Variants in PRMT8 observed in about 807,000 individuals in gnomAD.
The protein encoded by PRMT8 is protein arginine methyltransferase 8.
In PRMT8, 7 loss-of-function variants were observed where a neutral mutation model predicts 47.1. The observed-to-expected ratio is 0.15, with a 90% confidence interval of 0.08 to 0.28. The LOEUF (loss-of-function observed/expected upper bound fraction) is 0.28, where lower values mean the gene tolerates loss of function less well. PRMT8 is among the 10% of genes least tolerant of loss of function. PRMT8 has a pLI of 1.00. For synonymous variants in PRMT8, 188 were observed against 186.5 expected (o/e 1.01, Z -0.07); for missense variants, 237 against 505.4 (o/e 0.47, Z 5.09).
intron 6 of PRMT8, among the ~76,000 whole-genome samples, chr12:3,574,297 G>A (rs757043219): frequency 3.9e-5 from 6 of 152,266 alleles, no homozygotes; most frequent in Non-Finnish European, 5.9e-5. Context: ...CTTGAAGACA[G>A]TAAAGATCAT....
intron 1 of PRMT8, among the ~76,000 whole-genome samples, chr12:3,435,089 C>A (rs1864724428): frequency 6.6e-6 from 1 of 151,768 alleles, no homozygotes; most frequent in Non-Finnish European, 1.5e-5. Context: ...CTGCCTGAGC[C>A]TCCCAAGTAT....
chr12:3,490,554 G>A (rs923646707), upstream of PRMT8, among the ~76,000 whole-genome samples: 4 of 150,156 alleles, frequency 2.7e-5, no homozygotes, highest in Non-Finnish European at 5.9e-5. Context: ...AGTGGGGGGG[G>A]GGGCACTGCA....
At chr12:3,478,556 G>C (rs1865241627) in intron 1 of PRMT8, among the ~76,000 whole-genome samples, 1 of 152,190 alleles carries the variant, frequency 6.6e-6, no homozygotes, top group South Asian at 2.1e-4. Context: ...ATATTCCTGA[G>C]CTTCTCTAGG....
chr12:3,531,811 T>C (rs1866035733), intron 1 of PRMT8, among the ~76,000 whole-genome samples: 1 of 152,182 alleles, frequency 6.6e-6, no homozygotes, highest in Non-Finnish European at 1.5e-5. Context: ...GCTAAAGTGC[T>C]CTCTGTGGCC....
intron 1 of PRMT8, among the ~76,000 whole-genome samples, chr12:3,413,762 G>GGA (rs1488431380): frequency 6.7e-6 from 1 of 149,682 alleles, no homozygotes; most frequent in Admixed American, 6.6e-5. Flanking sequence ...GTATTCGGGG[G>GGA]AAAAAAAACC....
chr12:3,539,014 G>T (rs929639425), intron 1 of PRMT8, among the ~76,000 whole-genome samples: 5 of 152,362 alleles, frequency 3.3e-5, no homozygotes, highest in Admixed American at 2.0e-4. Context: ...TGCGCGGAGT[G>T]ATTCCACGGA....
intron 2 of PRMT8, among the ~76,000 whole-genome samples, chr12:3,548,138 G>A (rs1036297201): frequency 2.6e-5 from 4 of 151,930 alleles, no homozygotes; most frequent in South Asian, 2.1e-4. Flanking sequence ...AATGTTTCTT[G>A]GACCATTTAT....
rs3832860 is a variant in PRMT8 at position 3,592,208 on chromosome 12, TC to T, written c.980-19del. The T allele has an allele frequency of 3.3e-5, 51 of 1,541,812 alleles. No homozygotes were observed. The East Asian group carries it at 1.2e-3, about 37-fold the overall frequency. The stretch of plus-strand genomic sequence containing the variant: ...TCGTCTCTGACTCTTTCTTCCCACC[TC>T]CCCTGTTCTCTCACCCCTCAGCCCC... On this transcript the variant is annotated intron_variant, in intron 8 of 9. Coordinates refer to ENST00000382622, the MANE Select transcript of PRMT8 (RefSeq NM_019854.5).
chr12:3,396,733 G>C (rs1429917776), intron 1 of PRMT8, among the ~76,000 whole-genome samples: 1 of 151,700 alleles, frequency 6.6e-6, no homozygotes, highest in African/African-American at 2.4e-5. Context: ...GGCATTCTCT[G>C]TATTTCCTGA....
chr12:3,577,016 G>C, intron 7 of PRMT8, 30 bp downstream of exon 7: 2 of 1,591,364 alleles, frequency 1.3e-6, no homozygotes, highest in Non-Finnish European at 8.6e-7. Flanking sequence ...GTGGACCTGG[G>C]TGTGCTGGGA....
intron 1 of PRMT8, chr12:3,463,095 A>C (rs1463250300): frequency 6.6e-6 from 1 of 152,200 alleles, no homozygotes; most frequent in African/African-American, 2.4e-5. Flanking sequence ...AGACACAAAC[A>C]TCCAAATTAT....
At chr12:3,532,014 A>G (rs1412436486) in intron 1 of PRMT8, among the ~76,000 whole-genome samples, 2 of 152,124 alleles carry the variant, frequency 1.3e-5, no homozygotes, top group Admixed American at 6.5e-5. Context: ...GCCTGTTAAC[A>G]TGCCCAGTGT....
At chr12:3,496,232 T>A (rs1167500647) in intron 1 of PRMT8, among the ~76,000 whole-genome samples, 23 of 86,670 alleles carry the variant, frequency 2.7e-4, no homozygotes, top group African/African-American at 9.2e-4. Flanking sequence ...TTTTTTTTTT[T>A]TTTTTTTTGA....
At chr12:3,509,994 C>A (rs995262828) in intron 1 of PRMT8, among the ~76,000 whole-genome samples, 1 of 152,198 alleles carries the variant, frequency 6.6e-6, no homozygotes, top group Non-Finnish European at 1.5e-5. Context: ...GCAGTGGCAG[C>A]AGAGAGACTG....
chr12:3,406,330 C>T (rs938277916), intron 1 of PRMT8, among the ~76,000 whole-genome samples: 12 of 152,268 alleles, frequency 7.9e-5, no homozygotes, highest in African/African-American at 2.7e-4. Context: ...GTGAAGGTCT[C>T]TGACATTGCC....
At chr12:3,388,087 C>G (rs1451461217) in intron 1 of PRMT8, among the ~76,000 whole-genome samples, 1 of 128,582 alleles carries the variant, frequency 7.8e-6, no homozygotes, top group African/African-American at 2.9e-5. Context: ...CTGTCTTTCT[C>G]CCCTTTTTCT....
Position 3,549,820 on chromosome 12 carries a change from T to C in PRMT8, c.262-116T>C, listed in dbSNP as rs1239912739. On this transcript the variant is annotated intron_variant, in intron 2 of 9. Coordinates refer to ENST00000382622, the MANE Select transcript of PRMT8 (RefSeq NM_019854.5). ...TTTTGTCCTCTGTGGCTCTGCCTGA[T>C]GATATTATCGGGTCTCCTGAAGGGT... 2.6e-6 allele frequency: 3 copies of C among 1,172,734 alleles called. No homozygotes were observed. The East Asian group carries it at 7.1e-5, about 28-fold the overall frequency. 72.6% of individuals were successfully genotyped at this position (1,172,734 alleles called of 1,614,324 possible). A position where few individuals can be genotyped will look rare whatever the true frequency, so the allele number is the denominator to read the frequency against.
rs1257829208 is a variant in PRMT8, at chr12:3,491,393, A to G, written c.-233A>G. 8.2e-7 allele frequency: 1 copy of G among 1,215,644 alleles called. No individual in the cohort carries two copies. Among genetic ancestry groups the G allele is most frequent in the Non-Finnish European group, 1.0e-6 (1 of 974,704 alleles). The allele number at this position is 1,215,644 out of a possible 1,614,324, so 75.3% of individuals were successfully genotyped here. On this transcript the variant is annotated 5_prime_UTR_variant, in exon 1 of 10. Coordinates refer to ENST00000382622, the MANE Select transcript of PRMT8 (RefSeq NM_019854.5). ...CGGGGAGGGGGTCGGGGGCACGAGA[A>G]GAACTTGAAACCGTGTGAAGGAATC...
In PRMT8 at chr12:3,569,070, C is replaced by T. The variant is rs548526574; in HGVS notation, c.624+222C>T. On this transcript the variant is annotated intron_variant, in intron 5 of 9. Coordinates refer to ENST00000382622, the MANE Select transcript of PRMT8 (RefSeq NM_019854.5). This position sits in a 1 kb window ranked among gnomAD's most constrained non-coding sequence, Gnocchi z 8.2. ...CAGAGTGGACTTCCGTGGGTCTCAC[C>T]GCAGCCTCTTTTGCAATAACAGACA... 8.5e-5 allele frequency among the ~76,000 whole-genome samples: 13 copies of T among 152,214 alleles called. No homozygotes were observed. Among genetic ancestry groups the T allele is most frequent in the South Asian group, 4.1e-4 (2 of 4,824 alleles).
Sources: allele counts gnomAD v4.1 joint callset (sites outside exome capture counted in the v4.1 genomes callset), GRCh38; gene constraint gnomAD v4.1.1; non-coding constraint Gnocchi (gnomAD v3.1); transcripts MANE v1.5; gene names NCBI Gene and HGNC (gene_info 2026-07-23, HGNC 2026-07-21).